VPS8: variants seen among roughly 807,000 people sequenced by gnomAD.
The protein encoded by VPS8 is vacuolar protein sorting-associated protein 8 homolog.
VPS8 carries 129 observed loss-of-function variants against 216.4 expected under a neutral mutation model. The observed-to-expected ratio is 0.60, with a 90% CI of 0.52 to 0.69. VPS8 has a LOEUF of 0.69. VPS8 is among the 30% of genes least tolerant of loss of function. The pLI is 0.00. For missense variants in VPS8, 1,531 were observed against 1,683.5 expected, an observed-to-expected ratio of 0.91 and a Z score of 1.59; for synonymous variants, 571 against 565.4, an observed-to-expected ratio of 1.01 and a Z score of -0.14.
At chr3:185,043,619 T>C (rs1475705158) in intron 46 of VPS8, among the ~76,000 whole-genome samples, 3 of 152,248 alleles carry the variant, frequency 2.0e-5, no homozygotes, top group African/African-American at 4.8e-5. Context: ...GAATGAAGCT[T>C]AGTTCTTAAC....
chr3:184,812,824 T>G (rs1469975414), intron 1 of VPS8: 1 of 152,242 alleles, frequency 6.6e-6, no homozygotes, highest in Non-Finnish European at 1.5e-5. Flanking sequence ...GGGAAACAGG[T>G]GTGGACCCCT....
Position 184,838,899 on chromosome 3 carries a change from T to C in VPS8, c.480+153T>C, listed in dbSNP as rs888083040. 2.8e-5 allele frequency: 16 copies of C among 572,478 alleles called. No individual in the cohort carries two copies. The East Asian group carries it at 5.1e-4, about 18-fold the overall frequency. 35.5% of individuals were successfully genotyped at this position (572,478 alleles called of 1,614,324 possible). ...AGTAATCAGGTTTAACATTTATCCA[T>C]GTTGAATGCTTTCTTTTTTCCTAAT... is the stretch of plus-strand genomic sequence containing the variant. On this transcript the variant is annotated intron_variant, in intron 6 of 47. Coordinates refer to ENST00000625842, the MANE Select transcript of VPS8 (RefSeq NM_001009921.3).
At chr3:184,833,972 A>G (rs971595013) in intron 4 of VPS8, among the ~76,000 whole-genome samples, 7 of 152,072 alleles carry the variant, frequency 4.6e-5, no homozygotes, top group Admixed American at 3.9e-4. Flanking sequence ...TGACTTTCTT[A>G]TTTTTGTATT....
intron 21 of VPS8, among the ~76,000 whole-genome samples, chr3:184,884,950 AC>A (rs923320234): frequency 6.6e-6 from 1 of 152,148 alleles, no homozygotes; most frequent in African/African-American, 2.4e-5. Context: ...ACTCCCCATT[AC>A]CTAGCCCACT....
At position 184,824,816 on chromosome 3, in the gene VPS8, T is replaced by A. The variant is rs1247990942; in HGVS notation, c.153+31T>A. The A allele has an allele frequency of 3.2e-6, 5 of 1,568,722 alleles. No individual in the cohort carries two copies. The African/African-American group carries it at 5.4e-5, about 17-fold the overall frequency. The stretch of plus-strand genomic sequence containing the variant: ...AATTTCAATTTCTGTCAAGTGATAA[T>A]GTTTAACCAGTGTAGATTAGAGTAT... On this transcript the variant is annotated intron_variant, in intron 2 of 47. Coordinates refer to ENST00000625842, the MANE Select transcript of VPS8 (RefSeq NM_001009921.3).
At chr3:184,901,021 T>C in intron 25 of VPS8, 49 bp downstream of exon 25, 2 of 1,552,834 alleles carry the variant, frequency 1.3e-6, no homozygotes, top group South Asian at 2.3e-5. Context: ...ATTTAAGGTA[T>C]TATTTAAATG....
chr3:184,901,120 G>T, intron 25 of VPS8, 148 bp downstream of exon 25: 1 of 699,782 alleles, frequency 1.4e-6, no homozygotes, highest in Non-Finnish European at 2.4e-6. Context: ...GCTGCAGAAG[G>T]AGCCATAGCT....
chr3:184,818,521 CAA>C (rs11310520), intron 1 of VPS8, among the ~76,000 whole-genome samples: 65 of 89,248 alleles, frequency 7.3e-4, no homozygotes, highest in Middle Eastern at 6.6e-3. Context: ...GAACCTGTCT[CAA>C]AAAAAAAAAA....
intron 21 of VPS8, among the ~76,000 whole-genome samples, chr3:184,877,438 T>C (rs868314215): frequency 6.6e-6 from 1 of 152,342 alleles, no homozygotes; most frequent in Middle Eastern, 3.4e-3. Context: ...GAAAGCATGC[T>C]TTCAATTTAA....
chr3:184,852,649 A>G lies in VPS8; in HGVS notation c.821+82A>G, dbSNP rs1030242078. 2.3e-6 allele frequency: 3 copies of G among 1,321,894 alleles called. No individual in the cohort carries two copies. The Admixed American group carries it at 5.9e-5, about 26-fold the overall frequency. 81.9% of individuals were successfully genotyped at this position (1,321,894 alleles called of 1,614,324 possible). A position where few individuals can be genotyped will look rare whatever the true frequency, so the allele number is the denominator to read the frequency against. ...TTTGAAATTGAACATGAAGAGGACTAGAAAGCCCCTGTAATTGAGAGTAGA... is the reference window on the plus strand; with the variant it reads ...TTTGAAATTGAACATGAAGAGGACTGGAAAGCCCCTGTAATTGAGAGTAGA... On this transcript the variant is annotated intron_variant, in intron 11 of 47. Transcript: ENST00000625842.
intron 24 of VPS8, among the ~76,000 whole-genome samples, 169 bp from the exon 25 acceptor site, chr3:184,900,752 C>T (rs927231474): frequency 6.6e-6 from 1 of 152,042 alleles, no homozygotes; most frequent in East Asian, 1.9e-4. Flanking sequence ...GATTGTTTCT[C>T]AGTGAGCCTT....
At chr3:184,989,563 C>T (rs934805176) in intron 42 of VPS8, among the ~76,000 whole-genome samples, 12 of 152,018 alleles carry the variant, frequency 7.9e-5, no homozygotes, top group African/African-American at 2.9e-4. Context: ...CCACACCCAG[C>T]CCATTAATTG....
intron 40 of VPS8, among the ~76,000 whole-genome samples, chr3:184,981,941 C>T (rs973276974): frequency 6.8e-5 from 9 of 131,616 alleles, no homozygotes; most frequent in African/African-American, 2.4e-4. Context: ...TAGTGATTAA[C>T]ATAATATAAA....
Position 184,834,634 on chromosome 3 carries a change from C to CTTT in VPS8, c.354-6_354-4dup. ...TTTTTATCTGTTTTTAAATGTTTTT[C>CTTT]TTTTTTTTTTTCAGGAAGAAGAAAT... On this transcript the variant is annotated splice_polypyrimidine_tract_variant and intron_variant, in intron 4 of 47. Coordinates refer to ENST00000625842, the MANE Select transcript of VPS8 (RefSeq NM_001009921.3). 7 of 1,143,448 alleles carry CTTT rather than the reference C, an allele frequency of 6.1e-6. No individual in the cohort carries two copies. The highest frequency in any genetic ancestry group is 1.7e-5 in the South Asian group (1 of 58,322). The allele number at this position is 1,143,448 out of a possible 1,614,324, so 70.8% of individuals were successfully genotyped here. A position where few individuals can be genotyped will look rare whatever the true frequency, so the allele number is the denominator to read the frequency against.
intron 7 of VPS8, chr3:184,840,406 G>A (rs1469294210): frequency 6.6e-6 from 1 of 151,992 alleles, no homozygotes; most frequent in Non-Finnish European, 1.5e-5. Context: ...TTTAAAAACT[G>A]TTAGATTTTT....
At chr3:184,834,430 C>T (rs1453212437) in intron 4 of VPS8, among the ~76,000 whole-genome samples, 1 of 152,060 alleles carries the variant, frequency 6.6e-6, no homozygotes, top group Non-Finnish European at 1.5e-5. Flanking sequence ...AGTACACCAA[C>T]ATGGCACATG....
intron 23 of VPS8, among the ~76,000 whole-genome samples, chr3:184,897,625 G>C (rs1030754290): frequency 6.6e-6 from 1 of 152,110 alleles, no homozygotes; most frequent in Non-Finnish European, 1.5e-5. Flanking sequence ...CTGGCTGAGA[G>C]GGGTAGAGAG....
intron 32 of VPS8, 110 bp from the exon 33 acceptor site, chr3:184,929,470 A>G: frequency 1.5e-6 from 1 of 658,590 alleles, no homozygotes; most frequent in Non-Finnish European, 2.6e-6. Flanking sequence ...GATTATAAGC[A>G]TGAGCCAGGA....
chr3:184,908,657 C>T (rs1383328820), intron 25 of VPS8, among the ~76,000 whole-genome samples: 1 of 152,234 alleles, frequency 6.6e-6, no homozygotes, highest in Admixed American at 6.5e-5. Flanking sequence ...GTGTAACAGC[C>T]TTTCTAGGTA....
Sources: gnomAD v4.1 joint callset for allele counts (sites outside exome capture counted in the v4.1 genomes callset) on GRCh38, gnomAD v4.1.1 for gene constraint, MANE v1.5 for transcripts, NCBI Gene and HGNC (gene_info 2026-07-23, HGNC 2026-07-21) for gene names.